Variants in EFNA5 observed in about 807,000 individuals in gnomAD.
EFNA5 encodes the protein ephrin A5.
In EFNA5, 5 loss-of-function variants were observed where a neutral mutation model predicts 22.9. The observed-to-expected ratio is 0.22, with a 90% CI of 0.11 to 0.46. The LOEUF (loss-of-function observed/expected upper bound fraction) is 0.46. Among genes scored for constraint, EFNA5 ranks in the 20% least tolerant of loss-of-function variants. EFNA5 has a pLI of 0.99. For missense variants in EFNA5, 237 were observed against 293.3 expected (o/e 0.81, Z 1.40); for synonymous variants, 113 against 112.2 (o/e 1.01, Z -0.04).
chr5:107,616,968 T>G (rs1461945509), intron 1 of EFNA5, among the ~76,000 whole-genome samples: 1 of 152,128 alleles, frequency 6.6e-6, no homozygotes, highest in African/African-American at 2.4e-5. Context: ...GCCTGATTGT[T>G]ATGTCTAAGG....
chr5:107,441,924 C>T (rs1338920122), intron 1 of EFNA5, among the ~76,000 whole-genome samples: 1 of 152,076 alleles, frequency 6.6e-6, no homozygotes, highest in African/African-American at 2.4e-5. Context: ...TGATTTTCTT[C>T]GAATCTAAGA....
chr5:107,546,684 ACACT>A (rs201920900), intron 1 of EFNA5, among the ~76,000 whole-genome samples: 5,336 of 125,526 alleles, frequency 0.043, 152 homozygotes, highest in African/African-American at 0.081. Flanking sequence ...ACACACACAC[ACACT>A]CTCACCCCTG....
At chr5:107,606,977 A>G (rs1298657659) in intron 1 of EFNA5, among the ~76,000 whole-genome samples, 1 of 152,118 alleles carries the variant, frequency 6.6e-6, no homozygotes, top group Non-Finnish European at 1.5e-5. Context: ...GGGGATTGAT[A>G]TTTTCTTTGT....
chr5:107,594,562 A>T (rs1197660736), intron 1 of EFNA5, among the ~76,000 whole-genome samples: 3 of 152,216 alleles, frequency 2.0e-5, no homozygotes, highest in Non-Finnish European at 2.9e-5. Flanking sequence ...TCAAAAGTTA[A>T]TTTTTTAAAG....
At chr5:107,501,197 G>A (rs1425648918) in intron 1 of EFNA5, among the ~76,000 whole-genome samples, 1 of 152,070 alleles carries the variant, frequency 6.6e-6, no homozygotes, top group Non-Finnish European at 1.5e-5. Context: ...TTATTTGCAT[G>A]GATTAAGCCT....
intron 1 of EFNA5, among the ~76,000 whole-genome samples, chr5:107,430,774 C>CT (rs869266799): frequency 0.038 from 767 of 20,310 alleles, 15 homozygotes; most frequent in African/African-American, 0.053. Flanking sequence ...TTCTTTCTTT[C>CT]TTTTTTTTTT....
chr5:107,549,981 C>T (rs146506970), intron 1 of EFNA5, among the ~76,000 whole-genome samples: 2 of 152,360 alleles, frequency 1.3e-5, no homozygotes, highest in African/African-American at 4.8e-5. Flanking sequence ...TATTTGTCTA[C>T]CTTTCAACTT....
At position 107,577,553 on chromosome 5, in the gene EFNA5, A is replaced by C. The variant is rs140597700; in HGVS notation, c.125+92936T>G. 3.7e-3 allele frequency among the ~76,000 whole-genome samples: 563 copies of C among 152,284 alleles called. 23 individuals carry two copies. The highest frequency in any genetic ancestry group is 0.032 in the Admixed American group (490 of 15,294). Reference sequence around the variant, plus strand: ...TCCAAGGCCCACTTATCTGAAATGGAATTAGACCAAATGTCAAGAGGAAAG... The same window carrying C: ...TCCAAGGCCCACTTATCTGAAATGGCATTAGACCAAATGTCAAGAGGAAAG... On this transcript the variant is annotated intron_variant, in intron 1 of 4. Transcript: ENST00000333274.
At chr5:107,430,729 T>TA (rs1327543281) in intron 1 of EFNA5, among the ~76,000 whole-genome samples, 2 of 151,974 alleles carry the variant, frequency 1.3e-5, no homozygotes, top group Non-Finnish European at 2.9e-5. Flanking sequence ...CGGTGGTACC[T>TA]ATTTCAAACA....
At chr5:107,510,915 TA>T (rs1335216032) in intron 1 of EFNA5, among the ~76,000 whole-genome samples, 1 of 152,222 alleles carries the variant, frequency 6.6e-6, no homozygotes, top group Non-Finnish European at 1.5e-5. Flanking sequence ...TATTTTAAAC[TA>T]CATGGTTAAT....
At chr5:107,448,039 A>C (rs1356905312) in intron 1 of EFNA5, among the ~76,000 whole-genome samples, 1 of 151,798 alleles carries the variant, frequency 6.6e-6, no homozygotes, top group Admixed American at 6.6e-5. Context: ...CTCATGATCC[A>C]CCCACCTCAG....
At chr5:107,548,259 A>T (rs1024767710) in intron 1 of EFNA5, among the ~76,000 whole-genome samples, 9 of 152,168 alleles carry the variant, frequency 5.9e-5, no homozygotes, top group African/African-American at 9.7e-5. Context: ...CTTTTTAAAA[A>T]TTTTTTTGAA....
Position 107,613,701 on chromosome 5 carries a change from A to G in EFNA5, c.125+56788T>C, listed in dbSNP as rs377220540. Among the ~76,000 whole-genome samples, 3 of 152,270 alleles carry G rather than the reference A, an allele frequency of 2.0e-5. 1 individual carries two copies. ...ATAAGAGATTCCTGAATCACTAAGT[A>G]ATTTCAAATAAATGAAAAGAGAATG... On this transcript the variant is annotated intron_variant, in intron 1 of 4. Coordinates refer to ENST00000333274, the MANE Select transcript of EFNA5 (RefSeq NM_001962.3).
rs551858191 is a variant in EFNA5 at position 107,655,667 on chromosome 5, A to C, written c.125+14822T>G. ...AAATGATTATGTAAGTATATGATGG[A>C]AATTTTTTAACAAGTAACAGGCATA... On this transcript the variant is annotated intron_variant, in intron 1 of 4. Transcript: ENST00000333274. 4.6e-5 allele frequency among the ~76,000 whole-genome samples: 7 copies of C among 152,270 alleles called. No homozygotes were observed. In the South Asian group the frequency reaches 1.5e-3, roughly 32 times the overall value.
chr5:107,451,597 T>C (rs1749562347), intron 1 of EFNA5, among the ~76,000 whole-genome samples: 1 of 152,110 alleles, frequency 6.6e-6, no homozygotes, highest in Admixed American at 6.5e-5. Context: ...CGATGGTGAA[T>C]AGATGAATGA....
intron 2 of EFNA5, among the ~76,000 whole-genome samples, chr5:107,397,972 C>T (rs780122995): frequency 6.6e-6 from 1 of 152,172 alleles, no homozygotes; most frequent in Non-Finnish European, 1.5e-5. Flanking sequence ...ATTCGTCATA[C>T]CACAGAACAG....
In EFNA5 at chr5:107,404,029, T is replaced by C. The variant is rs534476776; in HGVS notation, c.419-16258A>G. Among the ~76,000 whole-genome samples, 4 of 152,354 alleles carry C rather than the reference T, an allele frequency of 2.6e-5. No homozygotes were observed. In the East Asian group the frequency reaches 7.7e-4, roughly 29 times the overall value. On this transcript the variant is annotated intron_variant, in intron 2 of 4. Coordinates refer to ENST00000333274, the MANE Select transcript of EFNA5 (RefSeq NM_001962.3). ...CCAGAATCATATAGCTTATTTCAGA[T>C]GGTGGATTATAGGGATACTATTCAT...
At chr5:107,603,232 T>C (rs139924860) in intron 1 of EFNA5, among the ~76,000 whole-genome samples, 2 of 152,298 alleles carry the variant, frequency 1.3e-5, no homozygotes, top group African/African-American at 2.4e-5. Flanking sequence ...AAGGTTGTAG[T>C]TCAAGGTGCA....
intron 1 of EFNA5, among the ~76,000 whole-genome samples, chr5:107,668,985 T>C: frequency 6.6e-6 from 1 of 152,072 alleles, no homozygotes; most frequent in East Asian, 1.9e-4. Flanking sequence ...TCCACTCCTG[T>C]TCAGCGGTTC....
Sources: allele counts gnomAD v4.1 joint callset (sites outside exome capture counted in the v4.1 genomes callset), GRCh38; gene constraint gnomAD v4.1.1; transcripts MANE v1.5; gene names NCBI Gene and HGNC (gene_info 2026-07-23, HGNC 2026-07-21).